Variants in DLG2 observed in about 807,000 individuals in gnomAD.
DLG2 encodes the protein disks large homolog 2.
A neutral mutation model predicts 132.5 loss-of-function variants in DLG2; 45 were observed. The observed-to-expected ratio is 0.34, with a 90% confidence interval of 0.27 to 0.44. The LOEUF is 0.44. Among genes scored for constraint, DLG2 ranks in the 20% least tolerant of loss-of-function variants. The pLI is 1.00. For synonymous variants in DLG2, 424 were observed against 419.6 expected (o/e 1.01, Z -0.13); for missense variants, 1,045 against 1,196.9 (o/e 0.87, Z 1.87).
intron 19 of DLG2, among the ~76,000 whole-genome samples, chr11:83,565,292 C>G (rs1467140859): frequency 6.6e-6 from 1 of 152,188 alleles, no homozygotes; most frequent in South Asian, 2.1e-4. Flanking sequence ...ACTGTTCACT[C>G]AGCAAACAAA....
intron 6 of DLG2, among the ~76,000 whole-genome samples, chr11:84,879,751 C>A (rs548526387): frequency 1.2e-4 from 19 of 152,140 alleles, no homozygotes; most frequent in African/African-American, 4.6e-4. Flanking sequence ...TGTCATCTAT[C>A]AAAAATAGAG....
At chr11:83,666,921 A>T (rs11233708) in intron 18 of DLG2, among the ~76,000 whole-genome samples, 41,776 of 152,066 alleles carry the variant, frequency 0.27, 6,123 homozygotes, top group South Asian at 0.33. Context: ...AACAGATCTT[A>T]AACAACACCA....
In DLG2 at chr11:84,734,365, G is replaced by T. The variant is rs190583476; in HGVS notation, c.358-199634C>A. Among the ~76,000 whole-genome samples the T allele has an allele frequency of 6.1e-3, 927 of 152,232 alleles. 4 individuals carry two copies. The highest frequency in any genetic ancestry group is 0.01 in the Non-Finnish European group (696 of 68,018). On this transcript the variant is annotated intron_variant, in intron 6 of 27. Transcript: ENST00000376104. ...AAGAGTTCCTTCACATCCCTTGTAA[G>T]TTGGATTCCTAGGTATTTTACTCTC...
intron 6 of DLG2, among the ~76,000 whole-genome samples, chr11:85,076,317 A>C (rs1054797821): frequency 1.3e-5 from 2 of 152,012 alleles, no homozygotes; most frequent in African/African-American, 4.8e-5. Flanking sequence ...CATGAGATCA[A>C]AACCATTTAA....
chr11:84,774,590 C>T (rs770591774), intron 6 of DLG2, among the ~76,000 whole-genome samples: 1 of 152,036 alleles, frequency 6.6e-6, no homozygotes, highest in Non-Finnish European at 1.5e-5. Context: ...GGCACTGGTA[C>T]AAAAACAGAA....
intron 7 of DLG2, among the ~76,000 whole-genome samples, chr11:84,527,606 T>A (rs1472691468): frequency 2.0e-5 from 3 of 152,194 alleles, no homozygotes; most frequent in African/African-American, 7.2e-5. Context: ...ATAATATTTA[T>A]CTGATTAAAG....
intron 19 of DLG2, among the ~76,000 whole-genome samples, chr11:83,581,443 G>A (rs2096974538): frequency 6.6e-6 from 1 of 151,830 alleles, no homozygotes. Context: ...TTATGTTAAA[G>A]AATTACCCTA....
intron 3 of DLG2, among the ~76,000 whole-genome samples, chr11:85,398,889 C>G (rs1013220273): frequency 6.6e-6 from 1 of 152,054 alleles, no homozygotes; most frequent in Non-Finnish European, 1.5e-5. Flanking sequence ...CTATTTCAAT[C>G]AATAGAAAAA....
chr11:85,468,978 C>A (rs1376810179), intron 3 of DLG2, among the ~76,000 whole-genome samples: 1 of 152,116 alleles, frequency 6.6e-6, no homozygotes, highest in Non-Finnish European at 1.5e-5. Context: ...CTGACATAAT[C>A]TTGCAAAGGT....
chr11:85,299,952 GATATA>G (rs1374708375), intron 3 of DLG2, among the ~76,000 whole-genome samples: 2 of 152,094 alleles, frequency 1.3e-5, no homozygotes, highest in African/African-American at 4.8e-5. Flanking sequence ...TCCAAATACA[GATATA>G]ATATATGTAT....
intron 11 of DLG2, among the ~76,000 whole-genome samples, chr11:84,017,736 C>T (rs754897239): frequency 2.0e-5 from 3 of 151,978 alleles, no homozygotes; most frequent in Non-Finnish European, 2.9e-5. Context: ...TGGTCTCTAT[C>T]GTCTTAAAGA....
intron 4 of DLG2, among the ~76,000 whole-genome samples, chr11:85,248,923 T>C (rs2076265649): frequency 6.6e-6 from 1 of 152,076 alleles, no homozygotes; most frequent in Admixed American, 6.6e-5. Context: ...GACTAATTTT[T>C]AGGGGCACAG....
intron 6 of DLG2, among the ~76,000 whole-genome samples, chr11:84,746,297 C>A (rs191532951): frequency 2.7e-5 from 4 of 150,388 alleles, no homozygotes; most frequent in African/African-American, 9.7e-5. Context: ...CTATTTATTT[C>A]TTGGATTCCA....
chr11:84,288,998 G>A (rs919971576), intron 7 of DLG2, among the ~76,000 whole-genome samples: 3 of 151,938 alleles, frequency 2.0e-5, no homozygotes, highest in African/African-American at 4.8e-5. Context: ...TTAAAAAGTC[G>A]AAAAGCAAGG....
chr11:83,892,964 C>T (rs1189353174), intron 15 of DLG2, among the ~76,000 whole-genome samples: 2 of 152,308 alleles, frequency 1.3e-5, no homozygotes, highest in South Asian at 2.1e-4. Context: ...AGTTCATTCC[C>T]TCCCATGTCA....
chr11:85,507,497 T>C (rs899300636), intron 3 of DLG2, among the ~76,000 whole-genome samples: 4 of 152,242 alleles, frequency 2.6e-5, no homozygotes, highest in Admixed American at 2.0e-4. Flanking sequence ...TATGAAATTC[T>C]GGATTGAAAA....
chr11:85,585,320 G>C (rs1230009264), intron 3 of DLG2, among the ~76,000 whole-genome samples: 1 of 152,124 alleles, frequency 6.6e-6, no homozygotes, highest in Non-Finnish European at 1.5e-5. Flanking sequence ...TTAAGTATTT[G>C]GCTTTATTTC....
At chr11:85,361,455 C>G (rs993148869) in intron 3 of DLG2, among the ~76,000 whole-genome samples, 2 of 152,168 alleles carry the variant, frequency 1.3e-5, no homozygotes, top group East Asian at 3.9e-4. Flanking sequence ...TTTCAACCCT[C>G]ACCCCCTCCC....
At chr11:84,006,447 G>A (rs550164474) in intron 11 of DLG2, among the ~76,000 whole-genome samples, 4 of 150,800 alleles carry the variant, frequency 2.7e-5, no homozygotes, top group African/African-American at 9.8e-5. Context: ...GACTTGAATT[G>A]TTCCCAACAC....
Sources: allele counts gnomAD v4.1 joint callset (sites outside exome capture counted in the v4.1 genomes callset), GRCh38; gene constraint gnomAD v4.1.1; transcripts MANE v1.5; gene names NCBI Gene and HGNC (gene_info 2026-07-23, HGNC 2026-07-21).